Variants in NCOA2 observed in about 807,000 individuals in gnomAD.
NCOA2 encodes the protein nuclear receptor coactivator 2, also known as class E basic helix-loop-helix protein 75.
Under a neutral mutation model 145.1 loss-of-function variants are expected in NCOA2, and 21 were observed. The ratio of observed to expected loss-of-function variants is 0.14; its 90% CI spans 0.10 to 0.21. NCOA2 has a LOEUF of 0.21. NCOA2 is among the 10% of genes least tolerant of loss of function. The pLI is 1.00. For missense variants in NCOA2, 1,472 were observed against 1,837.6 expected, an observed-to-expected ratio of 0.80 and a Z score of 3.64; for synonymous variants, 619 against 637.5, an observed-to-expected ratio of 0.97 and a Z score of 0.44.
intron 12 of NCOA2, among the ~76,000 whole-genome samples, chr8:70,145,504 G>C (rs1485816219): frequency 1.3e-5 from 2 of 151,822 alleles, no homozygotes; most frequent in Non-Finnish European, 2.9e-5. Flanking sequence ...TGTATTTTTA[G>C]TAGAGACGGG....
intron 2 of NCOA2, among the ~76,000 whole-genome samples, chr8:70,292,549 G>GAAAAAA (rs199760603): frequency 2.0e-5 from 2 of 101,422 alleles, no homozygotes; most frequent in African/African-American, 3.7e-5. Context: ...TCCATCTCAG[G>GAAAAAA]AAAAAAAAAA....
At chr8:70,216,636 T>G in intron 3 of NCOA2, 24 bp downstream of exon 3, 1 of 1,566,870 alleles carries the variant, frequency 6.4e-7, no homozygotes, top group Non-Finnish European at 8.8e-7. Flanking sequence ...CAATACTGAT[T>G]CCTTTTCTCA....
At chr8:70,421,753 CT>C in the NCOA2 span, among the ~76,000 whole-genome samples, 1 of 149,984 alleles carries the variant, frequency 6.7e-6, no homozygotes, top group Non-Finnish European at 1.5e-5. Flanking sequence ...GAGGTTTGGG[CT>C]TTTGGTAAAA....
Position 70,273,544 on chromosome 8 carries a change from T to C in NCOA2, c.-20+23200A>G, listed in dbSNP as rs549440519. 9.5e-6 allele frequency: 7 copies of C among 739,818 alleles called. No individual in the cohort carries two copies. In the Admixed American group the frequency reaches 1.1e-4, roughly 12 times the overall value. 45.8% of individuals were successfully genotyped at this position (739,818 alleles called of 1,614,324 possible). ...AAATCTCTGGCATTGAAGAGGTGAA[T>C]ATGTTTACAAACCAAGCAACAGTGA... On this transcript the variant is annotated intron_variant, in intron 2 of 22. Coordinates refer to ENST00000452400, the MANE Select transcript of NCOA2 (RefSeq NM_006540.4).
intron 4 of NCOA2, among the ~76,000 whole-genome samples, chr8:70,197,238 C>T (rs1482568076): frequency 6.6e-6 from 1 of 151,640 alleles, no homozygotes; most frequent in South Asian, 2.1e-4. Context: ...CCTACCTTCT[C>T]TTATCCCACT....
At position 70,383,272 on chromosome 8, in the gene NCOA2, A is replaced by G. The variant is rs73288561; in HGVS notation, c.-77+20428T>C. ...ACCAGATCTAAGAGGAAAACACCTC[A>G]CCAAGGAGGAGCTGGACCAGGAATT... On this transcript the variant is annotated intron_variant, in intron 1 of 22. Coordinates refer to ENST00000452400, the MANE Select transcript of NCOA2 (RefSeq NM_006540.4). Among the ~76,000 whole-genome samples, 646 of 152,328 alleles carry G rather than the reference A, an allele frequency of 4.2e-3. 6 individuals are homozygous for G. The highest frequency in any genetic ancestry group is 0.015 in the African/African-American group (617 of 41,580).
chr8:70,454,803 CACAA>C, the NCOA2 span, among the ~76,000 whole-genome samples: 4 of 152,162 alleles, frequency 2.6e-5, no homozygotes, highest in South Asian at 2.1e-4. Flanking sequence ...AAGTTTCAGA[CACAA>C]ACAAAGAAAT....
chr8:70,373,752 A>G (rs1343702577), intron 1 of NCOA2, among the ~76,000 whole-genome samples: 1 of 152,172 alleles, frequency 6.6e-6, no homozygotes, highest in Admixed American at 6.5e-5. Flanking sequence ...GACAAGGTTC[A>G]TTTTTTCCCA....
At chr8:70,214,166 G>T in intron 3 of NCOA2, 91 bp from the exon 4 acceptor site, 1 of 1,172,302 alleles carries the variant, frequency 8.5e-7, no homozygotes. Context: ...TACAAAGATA[G>T]CAAACAAAAG....
intron 1 of NCOA2, among the ~76,000 whole-genome samples, chr8:70,369,266 A>G (rs550843234): frequency 5.6e-4 from 86 of 152,374 alleles, no homozygotes; most frequent in African/African-American, 1.9e-3. Context: ...AAACATTTGG[A>G]AGATGTCCAT....
At chr8:70,273,356 C>G (rs1825212690) in intron 2 of NCOA2, 2 of 566,544 alleles carry the variant, frequency 3.5e-6, no homozygotes, top group Non-Finnish European at 5.8e-6. Context: ...CGCGCAGCCC[C>G]TTATCCGCTG....
intron 1 of NCOA2, among the ~76,000 whole-genome samples, chr8:70,400,968 T>C (rs1242109254): frequency 6.6e-6 from 1 of 152,190 alleles, no homozygotes; most frequent in Non-Finnish European, 1.5e-5. Flanking sequence ...CAAAAATCAA[T>C]GAATTCATTC....
intron 4 of NCOA2, among the ~76,000 whole-genome samples, chr8:70,205,950 C>T (rs547129986): frequency 2.5e-4 from 38 of 152,268 alleles, no homozygotes; most frequent in African/African-American, 8.7e-4. Context: ...TACTATGCCC[C>T]AGCAATCAAA....
chr8:70,454,311 C>T, the NCOA2 span, among the ~76,000 whole-genome samples: 42 of 152,248 alleles, frequency 2.8e-4, no homozygotes, highest in East Asian at 5.8e-4. Flanking sequence ...CATGACAGCT[C>T]GGCAGCTCTG....
At chr8:70,320,760 T>G (rs948403630) in intron 1 of NCOA2, among the ~76,000 whole-genome samples, 1 of 152,292 alleles carries the variant, frequency 6.6e-6, no homozygotes, top group African/African-American at 2.4e-5. Context: ...TGGAGGAGTA[T>G]TGATCTGCTC....
In NCOA2 at chr8:70,162,818, G is replaced by T. The variant is rs1424535296; in HGVS notation, c.869C>A (p.Ala290Glu). 1.9e-6 allele frequency: 3 copies of T among 1,613,560 alleles called. No homozygotes were observed. In the African/African-American group the frequency reaches 4.0e-5, roughly 22 times the overall value. ...GTCCTCCCAGCCTGGTTTCATGGCT[G>T]CTCTCATGGTGCTGGTATCCAGAGA... The part of the protein sequence containing the change: ...ITSLDTSTMR[A>E]AMKPGWEDLV... The change falls in exon 9 of 23, where the codon GCA becomes GAA. Residue 290 changes from alanine to glutamate, a missense_variant. Coordinates refer to ENST00000452400, the MANE Select transcript of NCOA2 (RefSeq NM_006540.4).
intron 1 of NCOA2, chr8:70,402,575 C>G (rs1246008545): frequency 6.6e-6 from 1 of 152,180 alleles, no homozygotes; most frequent in Admixed American, 6.5e-5. Flanking sequence ...CAGCGACGAC[C>G]CCGGCCCCCT....
At chr8:70,360,347 C>A (rs1222222836) in intron 1 of NCOA2, among the ~76,000 whole-genome samples, 13 of 152,108 alleles carry the variant, frequency 8.5e-5, no homozygotes, top group African/African-American at 2.4e-5. Context: ...ACTATTTATA[C>A]CTTCATCACC....
chr8:70,355,344 AC>A (rs1809587553), intron 1 of NCOA2, among the ~76,000 whole-genome samples: 1 of 152,186 alleles, frequency 6.6e-6, no homozygotes, highest in South Asian at 2.1e-4. Flanking sequence ...TATCTCGCAA[AC>A]ACCTTCTAAG....
Sources: gnomAD v4.1 joint callset for allele counts (sites outside exome capture counted in the v4.1 genomes callset) on GRCh38, gnomAD v4.1.1 for gene constraint, MANE v1.5 for transcripts, NCBI Gene and HGNC (gene_info 2026-07-23, HGNC 2026-07-21) for gene names.